The following WWP2 variants were observed in gnomAD, a reference collection of about 807,000 sequenced individuals.
The protein encoded by WWP2 is NEDD4-like E3 ubiquitin-protein ligase WWP2.
WWP2 carries 57 observed loss-of-function variants against 121.0 expected under a neutral mutation model. The observed-to-expected ratio is 0.47, with a 90% CI of 0.38 to 0.59. The LOEUF (loss-of-function observed/expected upper bound fraction) is 0.59. WWP2 is among the 20% of genes least tolerant of loss of function. The pLI is 0.00. For synonymous variants in WWP2, 449 were observed against 441.3 expected, an observed-to-expected ratio of 1.02 and a Z score of -0.22; for missense variants, 962 against 1,158.9, an observed-to-expected ratio of 0.83 and a Z score of 2.47.
At chr16:69,827,114 C>A (rs182307441) in intron 4 of WWP2, among the ~76,000 whole-genome samples, 108 of 151,452 alleles carry the variant, frequency 7.1e-4, no homozygotes, top group African/African-American at 2.5e-3. Context: ...TGTTGACACT[C>A]CTGCATACAT....
intron 4 of WWP2, among the ~76,000 whole-genome samples, chr16:69,831,304 A>T (rs1344627370): frequency 1.3e-5 from 2 of 152,180 alleles, no homozygotes; most frequent in Admixed American, 1.3e-4. Context: ...TTTCGGTGGT[A>T]TGGGGTGGGG....
chr16:69,932,450 TGAG>T (rs1251849507), intron 16 of WWP2, among the ~76,000 whole-genome samples: 2 of 152,228 alleles, frequency 1.3e-5, no homozygotes, highest in African/African-American at 4.8e-5. Flanking sequence ...TACTGGGTCA[TGAG>T]GCGACGGAGG....
chr16:69,901,322 G>A (rs914692648), intron 8 of WWP2, among the ~76,000 whole-genome samples: 1 of 152,182 alleles, frequency 6.6e-6, no homozygotes, highest in African/African-American at 2.4e-5. Flanking sequence ...GAATACTTGA[G>A]TACTTCCAGT....
chr16:69,830,160 G>A (rs1359575461), intron 4 of WWP2, among the ~76,000 whole-genome samples: 2 of 152,126 alleles, frequency 1.3e-5, no homozygotes, highest in African/African-American at 4.8e-5. Flanking sequence ...TCACCACATT[G>A]CCTAGGTGGG....
chr16:69,805,132 T>G (rs565234311), intron 4 of WWP2, among the ~76,000 whole-genome samples: 119 of 151,692 alleles, frequency 7.8e-4, no homozygotes, highest in African/African-American at 1.9e-3. Context: ...CTCCACCTCC[T>G]GGGTTCAAGC....
chr16:69,821,005 G>A (rs941500097), intron 4 of WWP2, among the ~76,000 whole-genome samples: 2 of 152,248 alleles, frequency 1.3e-5, no homozygotes, highest in African/African-American at 4.8e-5. Context: ...CGAGGCTATG[G>A]GCTGAGCCCA....
chr16:69,786,127 T>C (rs2055783597), intron 1 of WWP2: 1 of 144,748 alleles, frequency 6.9e-6, no homozygotes, highest in African/African-American at 2.5e-5. Context: ...GATGTTCTTT[T>C]TGGAGATGTC....
At chr16:69,816,595 GATT>G (rs940768411) in intron 4 of WWP2, among the ~76,000 whole-genome samples, 4 of 151,526 alleles carry the variant, frequency 2.6e-5, no homozygotes, top group African/African-American at 9.7e-5. Context: ...GTATTTTTCT[GATT>G]ATTATTATTT....
chr16:69,884,700 C>A (rs1400501719), intron 7 of WWP2, among the ~76,000 whole-genome samples: 1 of 152,120 alleles, frequency 6.6e-6, no homozygotes, highest in East Asian at 1.9e-4. Flanking sequence ...CATAAAGATT[C>A]TTAAACAAAA....
chr16:69,772,505 A>G (rs911378191), intron 1 of WWP2, among the ~76,000 whole-genome samples: 1 of 152,214 alleles, frequency 6.6e-6, no homozygotes, highest in Non-Finnish European at 1.5e-5. Context: ...TTGAGGCAGC[A>G]GAGTTACAGC....
In WWP2 at chr16:69,896,727, A is replaced by AT. The variant is rs377065935; in HGVS notation, c.914+8494dup. On this transcript the variant is annotated intron_variant, in intron 8 of 23. Transcript: ENST00000359154. ...GGTATTTCTTCTGCAGCTTGTGTGTATTTTTTTTTTTTTTTTAAACACTAA... is the reference window on the plus strand; with the variant it reads ...GGTATTTCTTCTGCAGCTTGTGTGTATTTTTTTTTTTTTTTTTAAACACTAA... Among the ~76,000 whole-genome samples the AT allele has an allele frequency of 4.9e-3, 697 of 143,254 alleles. 3 individuals are homozygous for AT. Among genetic ancestry groups the AT allele is most frequent in the African/African-American group, 0.013 (502 of 39,556 alleles). 94.0% of individuals were successfully genotyped at this position (143,254 alleles called of 152,430 possible).
intron 6 of WWP2, among the ~76,000 whole-genome samples, chr16:69,868,632 A>G (rs1262524887): frequency 1.3e-5 from 2 of 151,184 alleles, no homozygotes; most frequent in East Asian, 3.9e-4. Context: ...TTCTCCCTCA[A>G]GCTCTCTGCC....
Position 69,840,196 on chromosome 16 carries a change from G to A in WWP2, c.411G>A (p.Leu137=). 6.2e-7 allele frequency: 1 copy of A among 1,614,258 alleles called. No homozygotes were observed. The change falls in exon 5 of 24, where the codon CTG becomes CTA. Residue 137 remains leucine (L), a synonymous_variant. Transcript: ENST00000359154. ...GCAGCGTTGTCTCAGGCGGAGAGCTGACAATTTTCCTGGACGGGCCAACTG... is the reference window on the plus strand; with the variant it reads ...GCAGCGTTGTCTCAGGCGGAGAGCTAACAATTTTCCTGGACGGGCCAACTG... The part of the protein sequence containing the change: ...NKGSVVSGGE[L]TIFLDGPTVD...
intron 7 of WWP2, among the ~76,000 whole-genome samples, chr16:69,875,447 G>C (rs973005419): frequency 1.3e-5 from 2 of 152,336 alleles, no homozygotes; most frequent in South Asian, 2.1e-4. Flanking sequence ...CACAGCATCA[G>C]TTGACTCTCC....
intron 4 of WWP2, among the ~76,000 whole-genome samples, chr16:69,821,292 G>A (rs1040893103): frequency 2.0e-5 from 3 of 152,176 alleles, no homozygotes; most frequent in Admixed American, 1.3e-4. Context: ...TGCAGCCGGG[G>A]CCCTTTTCCT....
intron 4 of WWP2, chr16:69,827,860 C>G (rs1276269837): frequency 2.2e-6 from 1 of 455,268 alleles, no homozygotes; most frequent in Non-Finnish European, 4.4e-6. Context: ...ATTCTAAAGA[C>G]TTAACCTTCC....
Position 69,932,407 on chromosome 16 carries a change from G to T in WWP2, c.1682+517G>T, listed in dbSNP as rs1276604815. 3.9e-5 allele frequency among the ~76,000 whole-genome samples: 6 copies of T among 152,284 alleles called. No homozygotes were observed. The East Asian group carries it at 1.2e-3, about 29-fold the overall frequency. ...ATTGGGCCTGGAACAGGGGCCTGGG[G>T]TGCCCCACTGGGCTGGACATTAAGC... On this transcript the variant is annotated intron_variant, in intron 16 of 23. Transcript: ENST00000359154.
Position 69,869,931 on chromosome 16 carries a change from G to A in WWP2, c.576-1873G>A, listed in dbSNP as rs959157369. Among the ~76,000 whole-genome samples, 24 of 152,248 alleles carry A rather than the reference G, an allele frequency of 1.6e-4. 1 individual carries two copies. Among genetic ancestry groups the A allele is most frequent in the African/African-American group, 5.5e-4 (23 of 41,534 alleles). On this transcript the variant is annotated intron_variant, in intron 6 of 23. Transcript: ENST00000359154. ...GCTGGAGGTGGATCCTCCCAATGGG[G>A]AACTTTCTATTATAGCTCTTAATTT...
intron 10 of WWP2, among the ~76,000 whole-genome samples, chr16:69,920,785 A>G (rs2058549588): frequency 6.6e-6 from 1 of 152,124 alleles, no homozygotes; most frequent in South Asian, 2.1e-4. Context: ...ATCCTGTCTC[A>G]ATAAATAAAT....
Sources: gnomAD v4.1 joint callset for allele counts (sites outside exome capture counted in the v4.1 genomes callset) on GRCh38, gnomAD v4.1.1 for gene constraint, MANE v1.5 for transcripts, NCBI Gene and HGNC (gene_info 2026-07-23, HGNC 2026-07-21) for gene names.